UGGT2: variants seen among roughly 807,000 people sequenced by gnomAD.
UGGT2 encodes UDP-glucose:glycoprotein glucosyltransferase 2.
UGGT2 carries 180 observed loss-of-function variants against 192.1 expected under a neutral mutation model. The ratio of observed to expected loss-of-function variants is 0.94; its 90% CI spans 0.83 to 1.06. UGGT2 has a LOEUF of 1.06. UGGT2 is among the 50% of genes least tolerant of loss of function. The pLI, the probability that UGGT2 is intolerant of heterozygous loss-of-function variation, is 0.00. For missense variants in UGGT2, 1,849 were observed against 1,795.7 expected (o/e 1.03, Z -0.54); for synonymous variants, 580 against 591.0 (o/e 0.98, Z 0.27).
In UGGT2 at chr13:95,933,192, G is replaced by C. The variant is rs201660953; in HGVS notation, c.1977+3732C>G. ...TTCTTTATACATCTGGCAGAATTCA[G>C]TTATGAATCCATCTGGTCCAGGGCT... is the stretch of plus-strand genomic sequence containing the variant. On this transcript the variant is annotated intron_variant, in intron 17 of 38. Coordinates refer to ENST00000376747, the MANE Select transcript of UGGT2 (RefSeq NM_020121.4). Among the ~76,000 whole-genome samples, 4 of 152,288 alleles carry C rather than the reference G, an allele frequency of 2.6e-5. No individual in the cohort carries two copies. The East Asian group carries it at 7.7e-4, about 29-fold the overall frequency.
chr13:96,003,860 G>A (rs941802336), intron 5 of UGGT2, among the ~76,000 whole-genome samples: 3 of 152,070 alleles, frequency 2.0e-5, no homozygotes, highest in Non-Finnish European at 4.4e-5. Context: ...ATTTCCTTAA[G>A]CCACTAAATT....
intron 5 of UGGT2, among the ~76,000 whole-genome samples, chr13:96,009,650 A>C (rs945796959): frequency 7.2e-5 from 11 of 152,138 alleles, no homozygotes; most frequent in African/African-American, 2.7e-4. Flanking sequence ...TCCACTAAAA[A>C]TACAAAAATT....
intron 5 of UGGT2, among the ~76,000 whole-genome samples, 161 bp from the exon 6 acceptor site, chr13:95,999,468 C>T (rs1186422454): frequency 1.3e-5 from 2 of 152,158 alleles, no homozygotes; most frequent in African/African-American, 4.8e-5. Flanking sequence ...TGTCTCTAGT[C>T]TATCAAGGAA....
chr13:95,899,305 T>G (rs756401216), intron 22 of UGGT2, among the ~76,000 whole-genome samples: 1 of 152,184 alleles, frequency 6.6e-6, no homozygotes, highest in Non-Finnish European at 1.5e-5. Context: ...ATACTTAAGA[T>G]AGATGCCTTA....
At chr13:95,920,794 T>C (rs1170448621) in intron 20 of UGGT2, among the ~76,000 whole-genome samples, 2 of 152,196 alleles carry the variant, frequency 1.3e-5, no homozygotes, top group Non-Finnish European at 2.9e-5. Flanking sequence ...CTCAAAGAAC[T>C]GAAAACAAAA....
intron 38 of UGGT2, chr13:95,809,480 C>A: frequency 5.7e-6 from 2 of 353,900 alleles, no homozygotes; most frequent in South Asian, 2.3e-5. Context: ...GGAGATTTAC[C>A]CTTTTCTGCT....
intron 29 of UGGT2, among the ~76,000 whole-genome samples, chr13:95,868,066 T>C (rs1890839978): frequency 6.6e-6 from 1 of 152,236 alleles, no homozygotes; most frequent in African/African-American, 2.4e-5. Flanking sequence ...AGTTCTATCA[T>C]ATTTACAATA....
intron 1 of UGGT2, among the ~76,000 whole-genome samples, chr13:96,051,837 GGC>G (rs1231204195): frequency 6.6e-6 from 1 of 152,098 alleles, no homozygotes; most frequent in Non-Finnish European, 1.5e-5. Context: ...AATAGATGTT[GGC>G]GTGGATGCAG....
intron 24 of UGGT2, among the ~76,000 whole-genome samples, chr13:95,892,721 G>A (rs1486443745): frequency 2.0e-5 from 3 of 152,038 alleles, no homozygotes; most frequent in Non-Finnish European, 4.4e-5. Context: ...AAGGCTCCCG[G>A]GAGAAATTCC....
intron 10 of UGGT2, among the ~76,000 whole-genome samples, chr13:95,975,819 T>TA (rs1325076235): frequency 6.6e-6 from 1 of 152,176 alleles, no homozygotes; most frequent in Non-Finnish European, 1.5e-5. Context: ...TTAAAAATTT[T>TA]ATTTTTAATT....
At chr13:96,016,138 T>G (rs1379261554) in intron 4 of UGGT2, among the ~76,000 whole-genome samples, 1 of 152,142 alleles carries the variant, frequency 6.6e-6, no homozygotes, top group Non-Finnish European at 1.5e-5. Context: ...TATGTTCAGA[T>G]GTAGGAGCAA....
intron 1 of UGGT2, among the ~76,000 whole-genome samples, chr13:96,050,890 T>C (rs2139245873): frequency 6.6e-6 from 1 of 152,340 alleles, no homozygotes; most frequent in East Asian, 1.9e-4. Flanking sequence ...GGTGGGACTG[T>C]AAACTAGTTC....
intron 17 of UGGT2, among the ~76,000 whole-genome samples, chr13:95,930,785 T>C (rs1243926320): frequency 1.3e-5 from 2 of 152,128 alleles, no homozygotes; most frequent in Non-Finnish European, 2.9e-5. Context: ...AGATGGAGTG[T>C]CCAGAGTTTG....
chr13:95,869,323 T>C (rs1891009372), intron 29 of UGGT2, among the ~76,000 whole-genome samples: 1 of 152,172 alleles, frequency 6.6e-6, no homozygotes, highest in African/African-American at 2.4e-5. Flanking sequence ...GTCTTCGCTA[T>C]TGTGAATAGT....
chr13:96,015,723 T>C (rs1206898510), intron 4 of UGGT2, among the ~76,000 whole-genome samples: 1 of 152,228 alleles, frequency 6.6e-6, no homozygotes, highest in Non-Finnish European at 1.5e-5. Flanking sequence ...GTATACACTT[T>C]AATATACATG....
chr13:96,016,926 T>C (rs921081442), intron 4 of UGGT2, among the ~76,000 whole-genome samples: 19 of 152,196 alleles, frequency 1.2e-4, no homozygotes, highest in African/African-American at 4.3e-4. Context: ...GCGCTGGAGC[T>C]GCCCAAGGCC....
At chr13:95,808,132 C>T (rs899317773) in intron 38 of UGGT2, among the ~76,000 whole-genome samples, 2 of 152,100 alleles carry the variant, frequency 1.3e-5, no homozygotes, top group African/African-American at 2.4e-5. Context: ...AAGGCAGTCC[C>T]TTACAGGCAA....
chr13:95,829,106 A>G (rs1431461496), intron 38 of UGGT2, among the ~76,000 whole-genome samples: 6 of 152,232 alleles, frequency 3.9e-5, no homozygotes, highest in African/African-American at 1.4e-4. Flanking sequence ...AAGGTCTTTG[A>G]CAAAATTCAA....
Position 96,031,912 on chromosome 13 carries a change from T to C in UGGT2, c.218A>G (p.Glu73Gly), listed in dbSNP as rs201383964. Residue 73 changes from glutamate (E) to glycine (G), a missense_variant, in exon 2 of 39, where the codon GAA becomes GGA. By Grantham distance (98) the Glu-to-Gly change is moderately conservative (BLOSUM62 -2). Transcript: ENST00000376747. ...ACCTGTTTGCTTATAAATTGCTAAT[T>C]CTTGCACAGTTTCCAAAAACTGCCA... ...KFWQFLETVQ[E>G]LAIYKQTESD... The C allele has an allele frequency of 3.7e-6, 6 of 1,611,412 alleles. No individual in the cohort carries two copies. Among genetic ancestry groups the C allele is most frequent in the Non-Finnish European group, 5.1e-6 (6 of 1,178,978 alleles).
Sources: gnomAD v4.1 joint callset for allele counts (sites outside exome capture counted in the v4.1 genomes callset) on GRCh38, gnomAD v4.1.1 for gene constraint, MANE v1.5 for transcripts, NCBI Gene and HGNC (gene_info 2026-07-23, HGNC 2026-07-21) for gene names.